The following GBP6 variants were observed in gnomAD, a reference collection of about 807,000 sequenced individuals.
The protein encoded by GBP6 is guanylate binding protein family member 6.
GBP6 carries 54 observed loss-of-function variants against 61.5 expected under a neutral mutation model. That is an observed-to-expected ratio of 0.88 (90% CI 0.71 to 1.10). The LOEUF is 1.10. GBP6 is among the 50% of genes least tolerant of loss of function. The pLI, the probability that GBP6 is intolerant of heterozygous loss-of-function variation, is 0.00. For synonymous variants in GBP6, 255 were observed against 273.7 expected (o/e 0.93, Z 0.67); for missense variants, 748 against 752.8 (o/e 0.99, Z 0.07).
intron 3 of GBP6, among the ~76,000 whole-genome samples, chr1:89,376,089 C>T (rs1331303475): frequency 1.3e-5 from 2 of 152,144 alleles, no homozygotes; most frequent in South Asian, 2.1e-4. Flanking sequence ...CTTAGCTTAA[C>T]ATCCTCTAGA....
intron 9 of GBP6, 82 bp from the exon 10 acceptor site, chr1:89,384,011 T>A (rs1207956892): frequency 3.0e-6 from 4 of 1,334,590 alleles, no homozygotes; most frequent in Non-Finnish European, 4.1e-6. Context: ...GCCTTTCAGA[T>A]TTGGTTTAGT....
At chr1:89,368,999 T>C (rs1445613326) in intron 2 of GBP6, among the ~76,000 whole-genome samples, 1 of 152,232 alleles carries the variant, frequency 6.6e-6, no homozygotes, top group African/African-American at 2.4e-5. Flanking sequence ...CCTGGGCTCC[T>C]GTAATTGTGT....
chr1:89,373,469 G>A (rs1652703948), intron 3 of GBP6, among the ~76,000 whole-genome samples: 2 of 152,160 alleles, frequency 1.3e-5, no homozygotes, highest in Admixed American at 1.3e-4. Flanking sequence ...TATACACCAT[G>A]GAATACTATG....
rs1452236267 is a variant in GBP6, at chr1:89,387,419, A to G, written c.*1950A>G. 6.6e-6 allele frequency among the ~76,000 whole-genome samples: 1 copy of G among 152,178 alleles called. No individual in the cohort carries two copies. The highest frequency in any genetic ancestry group is 2.4e-5 in the African/African-American group (1 of 41,438). Reference sequence around the variant, plus strand: ...GCAATATAGTATTTGTTTGAAATGTAAAGGTAAAGTTTGTTTGAAGACAGA... The same window carrying G: ...GCAATATAGTATTTGTTTGAAATGTGAAGGTAAAGTTTGTTTGAAGACAGA... On this transcript the variant is annotated 3_prime_UTR_variant, in exon 11 of 11. Transcript: ENST00000370456.
At chr1:89,366,466 AC>A (rs1196502337) in intron 1 of GBP6, among the ~76,000 whole-genome samples, 1 of 152,058 alleles carries the variant, frequency 6.6e-6, no homozygotes, top group Non-Finnish European at 1.5e-5. Flanking sequence ...ACTCTTCCAA[AC>A]CTGTAGATAA....
At position 89,368,721 on chromosome 1, in the gene GBP6, A is replaced by G. The variant is rs200079336; in HGVS notation, c.170A>G (p.His57Arg). Residue 57 changes from histidine (H) to arginine (R), a missense_variant, in exon 2 of 11, where the codon CAT becomes CGT. By Grantham distance (29) the His-to-Arg change is conservative (BLOSUM62 0). Transcript: ENST00000370456. ...YRTGKSYLMN[H>R]LAGQNHGFPL... ...ACAGGGAAATCCTACTTGATGAACC[A>G]TCTGGCAGGACAGAATCATGGTAAG... 2.8e-5 allele frequency: 45 copies of G among 1,613,236 alleles called. No homozygotes were observed. Among genetic ancestry groups the G allele is most frequent in the Non-Finnish European group, 3.4e-5 (40 of 1,179,476 alleles).
Position 89,368,560 on chromosome 1 carries a change from T to C in GBP6, c.9T>C (p.Ser3=). The C allele has an allele frequency of 6.2e-7, 1 of 1,613,780 alleles. No homozygotes were observed. Among genetic ancestry groups the C allele is most frequent in the Non-Finnish European group, 8.5e-7 (1 of 1,179,728 alleles). The stretch of plus-strand genomic sequence containing the variant: ...CTAGGTTGGCAGTTGCCATGGAATC[T>C]GGACCCAAAATGTTGGCCCCCGTTT... ME[S]GPKMLAPVCL... The change falls in exon 2 of 11, where the codon TCT becomes TCC. Residue 3 remains serine (S), a synonymous_variant. Coordinates refer to ENST00000370456, the MANE Select transcript of GBP6 (RefSeq NM_198460.3).
At chr1:89,367,912 A>G (rs1652508579) in intron 1 of GBP6, among the ~76,000 whole-genome samples, 1 of 152,206 alleles carries the variant, frequency 6.6e-6, no homozygotes. Flanking sequence ...GAACTGGCAA[A>G]CAAAATGCCA....
Position 89,384,224 on chromosome 1 carries a change from C to A in GBP6, c.1600C>A (p.Leu534Met), listed in dbSNP as rs749105411. 2 of 1,614,102 alleles carry A rather than the reference C, an allele frequency of 1.2e-6. No homozygotes were observed. The highest frequency in any genetic ancestry group is 1.7e-6 in the Non-Finnish European group (2 of 1,180,010). Residue 534 changes from leucine (L) to methionine (M), a missense_variant, in exon 10 of 11, where the codon CTG becomes ATG. By Grantham distance (15) the Leu-to-Met change is conservative. Transcript: ENST00000370456. ...KENIAQLKEK[L>M]QMEREHLLRE... Reference sequence around the variant, plus strand: ...AAACATAGCCCAACTGAAGGAGAAGCTGCAGATGGAGAGAGAACACCTACT... The same window carrying A: ...AAACATAGCCCAACTGAAGGAGAAGATGCAGATGGAGAGAGAACACCTACT...
At chr1:89,376,002 T>C (rs1474724307) in intron 3 of GBP6, among the ~76,000 whole-genome samples, 1 of 152,178 alleles carries the variant, frequency 6.6e-6, no homozygotes, top group Non-Finnish European at 1.5e-5. Flanking sequence ...TTTCTACTGC[T>C]ATGAGTTCAA....
chr1:89,375,240 C>G (rs1433600891), intron 3 of GBP6, among the ~76,000 whole-genome samples: 2 of 152,058 alleles, frequency 1.3e-5, no homozygotes, highest in African/African-American at 4.8e-5. Flanking sequence ...GCAAGACATA[C>G]ATGTGGCCAA....
rs560167346 is a variant in GBP6, at chr1:89,382,975, G to A, written c.1365+99G>A. 63 of 705,918 alleles carry A rather than the reference G, an allele frequency of 8.9e-5. 1 individual carries two copies. The highest frequency in any genetic ancestry group is 8.7e-4 in the South Asian group (47 of 54,204). 43.7% of individuals were successfully genotyped at this position (705,918 alleles called of 1,614,324 possible). A position where few individuals can be genotyped will look rare whatever the true frequency, so the allele number is the denominator to read the frequency against. ...TAAGAGAGCAGAGGGATAGCATAAC[G>A]CCTTAGCTTTCAATGTCCACTAATT... On this transcript the variant is annotated intron_variant, in intron 8 of 10. Transcript: ENST00000370456.
intron 1 of GBP6, among the ~76,000 whole-genome samples, chr1:89,366,152 ATCTC>A (rs1047224853): frequency 5.9e-5 from 9 of 152,166 alleles, no homozygotes; most frequent in Non-Finnish European, 1.2e-4. Context: ...TCAAAAAGAA[ATCTC>A]TCTAACTTAT....
intron 8 of GBP6, 132 bp from the exon 9 acceptor site, chr1:89,383,520 A>C: frequency 1.5e-6 from 1 of 653,304 alleles, no homozygotes; most frequent in South Asian, 1.8e-5. Context: ...AAGAGCCCGC[A>C]CACTTTGTAG....
At chr1:89,374,071 C>T (rs919610339) in intron 3 of GBP6, among the ~76,000 whole-genome samples, 18 of 152,206 alleles carry the variant, frequency 1.2e-4, no homozygotes, top group Admixed American at 7.9e-4. Flanking sequence ...ATTCTTCTCT[C>T]TCCTGCTACC....
Position 89,385,554 on chromosome 1 carries a change from T to TTTCAGAG in GBP6, c.*86_*87insTCAGAGT. The TTTCAGAG allele has an allele frequency of 3.0e-6, 4 of 1,354,784 alleles. No homozygotes were observed. The highest frequency in any genetic ancestry group is 4.0e-6 in the Non-Finnish European group (4 of 1,006,154). The allele number at this position is 1,354,784 out of a possible 1,614,324, so 83.9% of individuals were successfully genotyped here. ...TTCATTCAGCAAGTTTTTTTTTTTT[T>TTTCAGAG]TCAGAGTCTTACTCTGTTGCCCAGG... On this transcript the variant is annotated 3_prime_UTR_variant, in exon 11 of 11. Transcript: ENST00000370456.
chr1:89,382,103 G>C (rs910751641), intron 7 of GBP6, 129 bp downstream of exon 7: 17 of 970,748 alleles, frequency 1.8e-5, no homozygotes, highest in Non-Finnish European at 2.6e-5. Context: ...ATGAGGGATA[G>C]AGTTTCAAAA....
chr1:89,368,687 C>T lies in GBP6; in HGVS notation c.136C>T (p.Leu46=). 6.2e-7 allele frequency: 1 copy of T among 1,614,132 alleles called. No individual in the cohort carries two copies. Among genetic ancestry groups the T allele is most frequent in the Non-Finnish European group, 8.5e-7 (1 of 1,179,978 alleles). The change falls in exon 2 of 11, where the codon CTG becomes TTG. Residue 46 remains leucine (L), a synonymous_variant. Transcript: ENST00000370456. ...AGTGGTGGTGGTGGCCATTGTAGGA[C>T]TGTACCGTACAGGGAAATCCTACTT... is the stretch of plus-strand genomic sequence containing the variant. The part of the protein sequence containing the change: ...QPVVVVAIVG[L]YRTGKSYLMN...
Position 89,368,666 on chromosome 1 carries a change from G to C in GBP6, c.115G>C (p.Val39Leu). ...TCTTGAAAAGATTTCTCAGCCAGTG[G>C]TGGTGGTGGCCATTGTAGGACTGTA... ...QILEKISQPV[V>L]VVAIVGLYRT... Residue 39 changes from valine (V) to leucine (L), a missense_variant, in exon 2 of 11, where the codon GTG becomes CTG. Physicochemically the swap from Val to Leu is conservative, Grantham distance 32 (BLOSUM62 1). Transcript: ENST00000370456. 1 of 1,614,176 alleles carries C rather than the reference G, an allele frequency of 6.2e-7. No homozygotes were observed.
Sources: allele counts gnomAD v4.1 joint callset (sites outside exome capture counted in the v4.1 genomes callset), GRCh38; gene constraint gnomAD v4.1.1; transcripts MANE v1.5; gene names NCBI Gene and HGNC (gene_info 2026-07-23, HGNC 2026-07-21).